SLC35D1: variants seen among roughly 807,000 people sequenced by gnomAD.
SLC35D1 encodes the protein nucleotide sugar transporter SLC35D1.
In SLC35D1, 31 loss-of-function variants were observed where a neutral mutation model predicts 46.7. The ratio of observed to expected loss-of-function variants is 0.66; its 90% CI spans 0.50 to 0.90. SLC35D1 has a LOEUF of 0.90. SLC35D1 is among the 40% of genes least tolerant of loss of function. The probability of loss-of-function intolerance (pLI) is 0.00; values close to 1 mark genes in which losing one functional copy is unlikely to be tolerated. For missense variants in SLC35D1, 397 were observed against 426.2 expected, an observed-to-expected ratio of 0.93 and a Z score of 0.60; for synonymous variants, 195 against 164.6, an observed-to-expected ratio of 1.18 and a Z score of -1.41.
intron 7 of SLC35D1, among the ~76,000 whole-genome samples, chr1:67,044,834 G>A (rs1001101518): frequency 6.6e-6 from 1 of 152,106 alleles, no homozygotes; most frequent in Non-Finnish European, 1.5e-5. Context: ...ACTCCTGATT[G>A]GCTGCCCTGC....
intron 10 of SLC35D1, among the ~76,000 whole-genome samples, chr1:67,015,907 T>G (rs1667675802): frequency 6.6e-6 from 1 of 152,170 alleles, no homozygotes. Flanking sequence ...AATGATATCT[T>G]TTAGTGGCCT....
At chr1:67,042,001 C>A (rs987543031) in intron 8 of SLC35D1, among the ~76,000 whole-genome samples, 2 of 152,230 alleles carry the variant, frequency 1.3e-5, no homozygotes, top group African/African-American at 4.8e-5. Context: ...AAGACACTAG[C>A]TGGCAAGCAC....
chr1:67,050,494 A>G lies in SLC35D1; in HGVS notation c.403T>C (p.Phe135Leu). Residue 135 changes from phenylalanine (F) to leucine (L), a missense_variant, in exon 5 of 12, where the codon TTT (phenylalanine) becomes CTT (leucine). Phe to Leu is a conservative substitution (Grantham distance 22). Coordinates refer to ENST00000235345, the MANE Select transcript of SLC35D1 (RefSeq NM_015139.3). ...FSTKKLNLPM[F>L]TVLRRFSILF... ...ATGGAGAACCTTCTCAGAACTGTAA[A>G]CATTGGCAAGCTGGAAAAAAAAAAG... The G allele has an allele frequency of 6.2e-7, 1 of 1,609,076 alleles. No individual in the cohort carries two copies. Among genetic ancestry groups the G allele is most frequent in the Non-Finnish European group, 8.5e-7 (1 of 1,179,412 alleles).
chr1:67,041,097 AACT>A (rs1403948706), intron 8 of SLC35D1, among the ~76,000 whole-genome samples: 81 of 152,326 alleles, frequency 5.3e-4, no homozygotes, highest in African/African-American at 1.9e-3. Flanking sequence ...CTGTTATAAA[AACT>A]ACATTATATT....
Position 67,054,018 on chromosome 1 carries a change from G to A in SLC35D1, c.-5C>T. On this transcript the variant is annotated 5_prime_UTR_variant, in exon 1 of 12. Transcript: ENST00000235345. ...ACGTCTATGAACTTCCGCCATGGCT[G>A]CCGCAGCAGCGGTGGCCTGGCGGCG... 6.2e-7 allele frequency: 1 copy of A among 1,608,094 alleles called. No individual in the cohort carries two copies. Among genetic ancestry groups the A allele is most frequent in the Non-Finnish European group, 8.5e-7 (1 of 1,177,314 alleles).
chr1:66,993,865 A>G, the SLC35D1 span, among the ~76,000 whole-genome samples: 1 of 152,192 alleles, frequency 6.6e-6, no homozygotes, highest in Non-Finnish European at 1.5e-5. Context: ...TACACTTCAA[A>G]TATTACCTTT....
rs1645347110 is a variant in SLC35D1, at chr1:67,054,108, G to A, written c.-95C>T. 3.1e-6 allele frequency: 4 copies of A among 1,282,256 alleles called. No homozygotes were observed. Among genetic ancestry groups the A allele is most frequent in the Non-Finnish European group, 4.3e-6 (4 of 926,262 alleles). 79.4% of individuals were successfully genotyped at this position (1,282,256 alleles called of 1,614,324 possible). On this transcript the variant is annotated 5_prime_UTR_variant, in exon 1 of 12. Transcript: ENST00000235345. ...GGGACTCCAGGAGTTGGGGACCGCA[G>A]ACTAGGCCAGCTGCGCGCTCGCCGC...
At chr1:67,049,666 C>T (rs961747042) in intron 6 of SLC35D1, 116 bp downstream of exon 6, 51 of 956,278 alleles carry the variant, frequency 5.3e-5, no homozygotes, top group South Asian at 2.9e-5. Flanking sequence ...CTTCTAGATG[C>T]TTTTCAAAGA....
At chr1:66,985,427 TGC>T in the SLC35D1 span, 1 of 983,594 alleles carries the variant, frequency 1.0e-6, no homozygotes. Flanking sequence ...CTGAAAATTA[TGC>T]TAGCATGATT....
intron 11 of SLC35D1, 61 bp downstream of exon 11, chr1:67,009,024 T>G (rs1667508380): frequency 1.3e-6 from 1 of 798,604 alleles, no homozygotes. Flanking sequence ...CCTAACCTTA[T>G]TGTGACACTA....
intron 8 of SLC35D1, among the ~76,000 whole-genome samples, chr1:67,027,200 T>C (rs1186449843): frequency 6.6e-6 from 1 of 152,196 alleles, no homozygotes; most frequent in East Asian, 1.9e-4. Context: ...ATTCTCTTAC[T>C]ATTCTTTTAA....
intron 6 of SLC35D1, 63 bp from the exon 7 acceptor site, chr1:67,047,430 T>C: frequency 7.6e-7 from 1 of 1,318,172 alleles, no homozygotes; most frequent in Non-Finnish European, 1.1e-6. Flanking sequence ...TTTAAATAGA[T>C]ATAAGCTAAA....
the SLC35D1 span, among the ~76,000 whole-genome samples, chr1:66,980,319 T>C: frequency 6.6e-6 from 1 of 152,222 alleles, no homozygotes; most frequent in Non-Finnish European, 1.5e-5. Context: ...GACCATCTAA[T>C]TGAATTCCCT....
intron 7 of SLC35D1, among the ~76,000 whole-genome samples, chr1:67,043,850 T>G (rs962745114): frequency 6.6e-6 from 1 of 152,130 alleles, no homozygotes; most frequent in Non-Finnish European, 1.5e-5. Context: ...ACATTCAGCA[T>G]GAAGCAGTCT....
At chr1:67,039,298 C>A (rs190099124) in intron 8 of SLC35D1, among the ~76,000 whole-genome samples, 357 of 152,208 alleles carry the variant, frequency 2.3e-3, no homozygotes, top group African/African-American at 8.1e-3. Context: ...TAAAAACTAT[C>A]TTTTCCTTAT....
Position 67,002,160 on chromosome 1 carries a change from T to G in SLC35D1, c.*2180A>C, listed in dbSNP as rs1667352635. ...GAATCACTAAAAATAGCTCTCACTATGCCCTTTCACTGTACCTAAGCAAAA... is the reference window on the plus strand; with the variant it reads ...GAATCACTAAAAATAGCTCTCACTAGGCCCTTTCACTGTACCTAAGCAAAA... On this transcript the variant is annotated 3_prime_UTR_variant, in exon 12 of 12. Coordinates refer to ENST00000235345, the MANE Select transcript of SLC35D1 (RefSeq NM_015139.3). The G allele has an allele frequency of 6.6e-6, 1 of 152,506 alleles. No homozygotes were observed. The highest frequency in any genetic ancestry group is 2.4e-5 in the African/African-American group (1 of 41,594). The allele number at this position is 152,506 out of a possible 1,614,324, so 9.4% of individuals were successfully genotyped here. A position where few individuals can be genotyped will look rare whatever the true frequency, so the allele number is the denominator to read the frequency against.
chr1:66,975,769 C>T, the SLC35D1 span, among the ~76,000 whole-genome samples: 1 of 152,088 alleles, frequency 6.6e-6, no homozygotes, highest in African/African-American at 2.4e-5. Context: ...GTAAACAAAG[C>T]ATTAGCATTA....
the SLC35D1 span, among the ~76,000 whole-genome samples, chr1:66,975,580 C>G: frequency 1.3e-5 from 2 of 151,930 alleles, no homozygotes; most frequent in Admixed American, 6.6e-5. Context: ...TTATATACAT[C>G]AGCCCTAAAT....
intron 8 of SLC35D1, among the ~76,000 whole-genome samples, chr1:67,029,830 A>C (rs772911647): frequency 6.6e-6 from 1 of 152,214 alleles, no homozygotes; most frequent in African/African-American, 2.4e-5. Context: ...AATCTCAAGT[A>C]TGTTTACATT....
Sources: allele counts gnomAD v4.1 joint callset (sites outside exome capture counted in the v4.1 genomes callset), GRCh38; gene constraint gnomAD v4.1.1; transcripts MANE v1.5; gene names NCBI Gene and HGNC (gene_info 2026-07-23, HGNC 2026-07-21).